DCC: variants seen among roughly 807,000 people sequenced by gnomAD.
The protein encoded by DCC is DCC netrin 1 receptor.
A neutral mutation model predicts 172.5 loss-of-function variants in DCC; 58 were observed. The ratio of observed to expected loss-of-function variants is 0.34; its 90% CI spans 0.27 to 0.42. The LOEUF (loss-of-function observed/expected upper bound fraction) is 0.42, where lower values mean the gene tolerates loss of function less well. Ranked by LOEUF, DCC falls within the 10% of genes least tolerant of loss-of-function variation. The pLI is 1.00. For missense variants in DCC, 1,740 were observed against 1,791.0 expected (o/e 0.97, Z 0.51); for synonymous variants, 709 against 644.5 (o/e 1.10, Z -1.52).
intron 12 of DCC, among the ~76,000 whole-genome samples, chr18:53,270,304 A>G (rs2056734310): frequency 6.6e-6 from 1 of 152,152 alleles, no homozygotes; most frequent in Non-Finnish European, 1.5e-5. Context: ...TGCTTTGAAG[A>G]TGGTGGTCTG....
At chr18:53,059,352 G>A (rs1002373943) in intron 5 of DCC, among the ~76,000 whole-genome samples, 7 of 152,072 alleles carry the variant, frequency 4.6e-5, no homozygotes, top group Non-Finnish European at 1.0e-4. Context: ...AATTTACAAA[G>A]ACTTAGAATT....
intron 8 of DCC, among the ~76,000 whole-genome samples, chr18:53,170,888 GTTT>G (rs2055004016): frequency 6.6e-6 from 1 of 151,996 alleles, no homozygotes; most frequent in African/African-American, 2.4e-5. Context: ...TGTTGTTGTT[GTTT>G]GTTTGTTTAT....
At chr18:52,390,165 G>A (rs1040590124) in intron 1 of DCC, among the ~76,000 whole-genome samples, 2 of 152,088 alleles carry the variant, frequency 1.3e-5, no homozygotes, top group African/African-American at 2.4e-5. Context: ...TGAGGATCCT[G>A]TATCAGATCT....
intron 12 of DCC, among the ~76,000 whole-genome samples, chr18:53,276,301 A>C (rs1182221487): frequency 1.3e-5 from 2 of 152,162 alleles, no homozygotes; most frequent in African/African-American, 4.8e-5. Context: ...CTTTGTATGG[A>C]CCTGATAAAT....
At chr18:52,372,399 G>A (rs1327262486) in intron 1 of DCC, among the ~76,000 whole-genome samples, 1 of 152,184 alleles carries the variant, frequency 6.6e-6, no homozygotes, top group African/African-American at 2.4e-5. Flanking sequence ...GGACAGTGCT[G>A]TAGGCTAAAC....
At chr18:53,255,272 T>G (rs1431995952) in intron 12 of DCC, among the ~76,000 whole-genome samples, 1 of 151,940 alleles carries the variant, frequency 6.6e-6, no homozygotes, top group African/African-American at 2.4e-5. Flanking sequence ...CATGCAGGTT[T>G]GTTACATATG....
intron 7 of DCC, among the ~76,000 whole-genome samples, chr18:53,120,349 T>C (rs1181997975): frequency 1.3e-5 from 2 of 151,806 alleles, no homozygotes; most frequent in African/African-American, 4.8e-5. Flanking sequence ...ATGTTATTTT[T>C]ATTTGGCATA....
At chr18:52,772,633 A>G (rs901973857) in intron 2 of DCC, among the ~76,000 whole-genome samples, 2 of 152,166 alleles carry the variant, frequency 1.3e-5, no homozygotes, top group African/African-American at 2.4e-5. Flanking sequence ...TAATAACTCA[A>G]ATGAGATAAG....
At chr18:53,096,453 G>C (rs533294056) in intron 7 of DCC, among the ~76,000 whole-genome samples, 1 of 152,168 alleles carries the variant, frequency 6.6e-6, no homozygotes, top group South Asian at 2.1e-4. Context: ...CTCTAGTTGA[G>C]TAAAATAGAG....
chr18:53,064,539 T>C (rs1418811841), intron 6 of DCC, among the ~76,000 whole-genome samples: 1 of 152,138 alleles, frequency 6.6e-6, no homozygotes, highest in Non-Finnish European at 1.5e-5. Context: ...ATGGCCTTTG[T>C]TGCAAAGTGC....
rs115296218 is a variant in DCC at position 53,025,218 on chromosome 18, T to C, written c.986-38087T>C. 3.3e-3 allele frequency among the ~76,000 whole-genome samples: 509 copies of C among 152,234 alleles called. 2 individuals are homozygous for C. The highest frequency in any genetic ancestry group is 0.012 in the African/African-American group (481 of 41,556). ...GATGAGAATTCGTGAAAAATAGCTA[T>C]TTAAAACCAGTATCCTGCCATTTTT... On this transcript the variant is annotated intron_variant, in intron 5 of 28. Coordinates refer to ENST00000442544, the MANE Select transcript of DCC (RefSeq NM_005215.4).
chr18:52,940,476 A>G (rs1435768067), intron 5 of DCC, among the ~76,000 whole-genome samples: 1 of 152,158 alleles, frequency 6.6e-6, no homozygotes, highest in African/African-American at 2.4e-5. Flanking sequence ...AAGTAGCTCC[A>G]CCATGATTCT....
At chr18:52,356,591 TC>T (rs1984374076) in intron 1 of DCC, among the ~76,000 whole-genome samples, 1 of 152,164 alleles carries the variant, frequency 6.6e-6, no homozygotes, top group Non-Finnish European at 1.5e-5. Flanking sequence ...ATGATATTGT[TC>T]CATGCTTATC....
intron 21 of DCC, among the ~76,000 whole-genome samples, chr18:53,429,671 C>T (rs191756857): frequency 8.1e-4 from 123 of 152,158 alleles, no homozygotes; most frequent in Non-Finnish European, 1.3e-3. Context: ...AAATGCATTC[C>T]TATCCTGCAG....
rs144579655 is a variant in DCC at position 52,849,711 on chromosome 18, T to G, written c.413-56333T>G. ...TAACATGATTATTTATTAGAATGCT[T>G]CTTCATTTTTTAGCACAGAAAATCT... On this transcript the variant is annotated intron_variant, in intron 2 of 28. Coordinates refer to ENST00000442544, the MANE Select transcript of DCC (RefSeq NM_005215.4). Among the ~76,000 whole-genome samples the G allele has an allele frequency of 3.6e-3, 541 of 152,250 alleles. 6 individuals carry two copies. The highest frequency in any genetic ancestry group is 0.012 in the African/African-American group (511 of 41,550).
chr18:52,580,088 G>C (rs1295665350), intron 1 of DCC, among the ~76,000 whole-genome samples: 2 of 152,150 alleles, frequency 1.3e-5, no homozygotes, highest in Admixed American at 1.3e-4. Flanking sequence ...GATAAATCAC[G>C]ACCCGCACTC....
rs532054092 is a variant in DCC, at chr18:52,959,232, G to T, written c.985+33862G>T. On this transcript the variant is annotated intron_variant, in intron 5 of 28. Transcript: ENST00000442544. ...AAAAACAGAGTTTTAAATGAGTTCAGTTGGCTGGATTTGCACTGATAAAAC... is the reference window on the plus strand; with the variant it reads ...AAAAACAGAGTTTTAAATGAGTTCATTTGGCTGGATTTGCACTGATAAAAC... 3.3e-5 allele frequency among the ~76,000 whole-genome samples: 5 copies of T among 152,250 alleles called. No individual in the cohort carries two copies. The South Asian group carries it at 1.0e-3, about 32-fold the overall frequency.
At chr18:52,741,092 G>C (rs1367914709) in intron 1 of DCC, among the ~76,000 whole-genome samples, 1 of 152,206 alleles carries the variant, frequency 6.6e-6, no homozygotes, top group Non-Finnish European at 1.5e-5. Context: ...TTTTGCAATT[G>C]AAAGTGCCTT....
chr18:53,327,424 A>G (rs1225689370), intron 14 of DCC, among the ~76,000 whole-genome samples: 2 of 152,196 alleles, frequency 1.3e-5, no homozygotes, highest in Non-Finnish European at 2.9e-5. Flanking sequence ...GTATCCTTCA[A>G]GAAACTGAGC....
Sources: allele counts gnomAD v4.1 joint callset (sites outside exome capture counted in the v4.1 genomes callset), GRCh38; gene constraint gnomAD v4.1.1; transcripts MANE v1.5; gene names NCBI Gene and HGNC (gene_info 2026-07-23, HGNC 2026-07-21).